TTC29: variants seen among roughly 807,000 people sequenced by gnomAD.
TTC29 encodes the protein tetratricopeptide repeat domain 29, also known as tetratricopeptide repeat protein 29.
Under a neutral mutation model 58.1 loss-of-function variants are expected in TTC29, and 49 were observed. That is an observed-to-expected ratio of 0.84 (90% CI 0.67 to 1.07). The LOEUF (loss-of-function observed/expected upper bound fraction) is 1.07. Among genes scored for constraint, TTC29 ranks in the 50% least tolerant of loss-of-function variants. The pLI is 0.00. For missense variants in TTC29, 582 were observed against 555.6 expected (o/e 1.05, Z -0.48); for synonymous variants, 209 against 196.8 (o/e 1.06, Z -0.52).
At chr4:146,940,011 T>C (rs1227346892) in intron 2 of TTC29, 110 bp from the exon 3 acceptor site, 3 of 1,002,454 alleles carry the variant, frequency 3.0e-6, no homozygotes, top group Non-Finnish European at 4.3e-6. Context: ...AGAATGCCTA[T>C]GTGTAGTGCT....
At position 146,922,149 on chromosome 4, in the gene TTC29, G is replaced by A. The variant is rs575110802; in HGVS notation, c.177-12900C>T. Among the ~76,000 whole-genome samples, 3 of 150,274 alleles carry A rather than the reference G, an allele frequency of 2.0e-5. No individual in the cohort carries two copies. The Admixed American group carries it at 2.0e-4, about 10-fold the overall frequency. ...TTCACATATTTAGAATTGAAAGAAA[G>A]AAGAAGTTATCACCGTATTTAAAAA... On this transcript the variant is annotated intron_variant, in intron 4 of 12. Transcript: ENST00000325106.
At chr4:146,772,230 C>G (rs868781876) in intron 11 of TTC29, among the ~76,000 whole-genome samples, 9 of 152,112 alleles carry the variant, frequency 5.9e-5, no homozygotes, top group Admixed American at 5.9e-4. Context: ...GTTTCTTTTG[C>G]TGTGCAGAAG....
rs1741993656 is a variant in TTC29, at chr4:146,706,825, T to C, written c.*333A>G. On this transcript the variant is annotated 3_prime_UTR_variant, in exon 13 of 13. Transcript: ENST00000325106. Reference sequence around the variant, plus strand: ...CATGAATTCAGCATGAAAGATTTTCTTAAGCTTGTAATTATTTTCTCATTA... The same window carrying C: ...CATGAATTCAGCATGAAAGATTTTCCTAAGCTTGTAATTATTTTCTCATTA... 1 of 184,110 alleles carries C rather than the reference T, an allele frequency of 5.4e-6. No homozygotes were observed. Among genetic ancestry groups the C allele is most frequent in the Non-Finnish European group, 1.1e-5 (1 of 89,616 alleles). The allele number at this position is 184,110 out of a possible 1,614,324, so 11.4% of individuals were successfully genotyped here. A position where few individuals can be genotyped will look rare whatever the true frequency, so the allele number is the denominator to read the frequency against.
At chr4:146,868,504 A>AT (rs923136241) in intron 7 of TTC29, among the ~76,000 whole-genome samples, 9 of 152,154 alleles carry the variant, frequency 5.9e-5, no homozygotes, top group Non-Finnish European at 8.8e-5. Context: ...GCTTTTCATC[A>AT]TTTTTTCTGC....
chr4:146,719,581 C>G (rs1277978344), intron 11 of TTC29, among the ~76,000 whole-genome samples: 1 of 152,100 alleles, frequency 6.6e-6, no homozygotes, highest in Non-Finnish European at 1.5e-5. Context: ...TGCAGCAAAC[C>G]TATTTAGTTC....
chr4:146,750,161 C>G (rs1235320014), intron 11 of TTC29, among the ~76,000 whole-genome samples: 1 of 152,062 alleles, frequency 6.6e-6, no homozygotes, highest in African/African-American at 2.4e-5. Flanking sequence ...GCGCCTGCCA[C>G]CAGGCTTGGC....
rs1732523632 is a variant in TTC29 at position 146,893,421 on chromosome 4, G to T, written c.586+10123C>A. ...TCTTTGACAAACCTGAGAAAAACAA[G>T]CAATGGGGAAAGGATTCCCTATTTA... On this transcript the variant is annotated intron_variant, in intron 6 of 12. Transcript: ENST00000325106. Among the ~76,000 whole-genome samples, 4 of 152,074 alleles carry T rather than the reference G, an allele frequency of 2.6e-5. No individual in the cohort carries two copies. In the South Asian group the frequency reaches 8.3e-4, roughly 32 times the overall value.
At chr4:146,723,351 C>T (rs901685359) in intron 11 of TTC29, among the ~76,000 whole-genome samples, 47 of 152,030 alleles carry the variant, frequency 3.1e-4, no homozygotes, top group Admixed American at 3.0e-3. Flanking sequence ...ATGACTCAGT[C>T]CTCAAAACAA....
intron 5 of TTC29, 80 bp from the exon 6 acceptor site, chr4:146,903,809 A>G (rs17656364): frequency 0.049 from 50,215 of 1,026,230 alleles, 1,598 homozygotes; most frequent in Admixed American, 0.14. Context: ...AACCAATATC[A>G]TGACTTCCTA....
intron 4 of TTC29, among the ~76,000 whole-genome samples, chr4:146,926,154 A>G (rs1055002462): frequency 6.6e-6 from 1 of 152,204 alleles, no homozygotes; most frequent in African/African-American, 2.4e-5. Flanking sequence ...AGCTCTCTAA[A>G]TAACTATTTT....
chr4:146,729,377 T>C (rs1270628017), intron 11 of TTC29, among the ~76,000 whole-genome samples: 1 of 152,226 alleles, frequency 6.6e-6, no homozygotes, highest in African/African-American at 2.4e-5. Context: ...TTCTTTTGTT[T>C]ATTGATCTAT....
At chr4:146,919,141 A>C (rs780791918) in intron 4 of TTC29, among the ~76,000 whole-genome samples, 1 of 151,166 alleles carries the variant, frequency 6.6e-6, no homozygotes, top group Admixed American at 6.6e-5. Flanking sequence ...TTCCACATGG[A>C]AAGATATTAA....
intron 11 of TTC29, among the ~76,000 whole-genome samples, chr4:146,717,968 T>A (rs1000891395): frequency 6.6e-6 from 1 of 152,200 alleles, no homozygotes; most frequent in Non-Finnish European, 1.5e-5. Context: ...GATTCCAATA[T>A]AAGTGAGAAC....
At chr4:146,879,331 T>C (rs977883102) in intron 6 of TTC29, among the ~76,000 whole-genome samples, 1 of 152,320 alleles carries the variant, frequency 6.6e-6, no homozygotes, top group East Asian at 1.9e-4. Flanking sequence ...TTAACAATGA[T>C]ATGATTTCCA....
At chr4:146,781,368 G>T (rs1227271558) in intron 11 of TTC29, among the ~76,000 whole-genome samples, 2 of 151,896 alleles carry the variant, frequency 1.3e-5, no homozygotes, top group Non-Finnish European at 2.9e-5. Context: ...GGGATTAAGA[G>T]ACTCGAGCTC....
rs59050226 is a variant in TTC29 at position 146,939,799 on chromosome 4, C to A, written c.92+5G>T. 6.2e-7 allele frequency: 1 copy of A among 1,609,416 alleles called. No homozygotes were observed. Among genetic ancestry groups the A allele is most frequent in the Non-Finnish European group, 8.5e-7 (1 of 1,178,360 alleles). ...GGAAAATAAGTAAAAACCAGGGGCA[C>A]GTACCTTGGAATTTTTCTGGAGGAG... On this transcript the variant is annotated splice_donor_5th_base_variant and intron_variant, in intron 3 of 12. Coordinates refer to ENST00000325106, the MANE Select transcript of TTC29 (RefSeq NM_031956.4).
intron 6 of TTC29, among the ~76,000 whole-genome samples, chr4:146,899,664 G>A (rs556714259): frequency 9.5e-4 from 145 of 152,256 alleles, no homozygotes; most frequent in African/African-American, 3.2e-3. Flanking sequence ...GGAGCTCTGC[G>A]TGGGGCTCTG....
chr4:146,759,411 A>T (rs2150059357), intron 11 of TTC29, among the ~76,000 whole-genome samples: 1 of 152,196 alleles, frequency 6.6e-6, no homozygotes. Flanking sequence ...TAGAGAAAGA[A>T]GGAACCCTCC....
intron 6 of TTC29, among the ~76,000 whole-genome samples, chr4:146,899,370 A>T (rs1207776431): frequency 5.3e-5 from 8 of 152,198 alleles, no homozygotes; most frequent in African/African-American, 1.9e-4. Context: ...TGCCCCACAG[A>T]CACAGTGAGA....
Sources: gnomAD v4.1 joint callset for allele counts (sites outside exome capture counted in the v4.1 genomes callset) on GRCh38, gnomAD v4.1.1 for gene constraint, MANE v1.5 for transcripts, NCBI Gene and HGNC (gene_info 2026-07-23, HGNC 2026-07-21) for gene names.